The following DLGAP2 variants were observed in gnomAD, a reference collection of about 807,000 sequenced individuals.
The protein encoded by DLGAP2 is disks large-associated protein 2.
Under a neutral mutation model 100.3 loss-of-function variants are expected in DLGAP2, and 26 were observed. The ratio of observed to expected loss-of-function variants is 0.26; its 90% CI spans 0.19 to 0.36. DLGAP2 has a LOEUF of 0.36. DLGAP2 is among the 10% of genes least tolerant of loss of function. The pLI, the probability that DLGAP2 is intolerant of heterozygous loss-of-function variation, is 1.00. For missense variants in DLGAP2, 1,858 were observed against 1,453.2 expected (o/e 1.28, Z -4.53); for synonymous variants, 886 against 630.1 (o/e 1.41, Z -6.08).
At chr8:1,683,954 GTATATATATATATATATATATA>G (rs59220880) in intron 12 of DLGAP2, among the ~76,000 whole-genome samples, 15 of 74,734 alleles carry the variant, frequency 2.0e-4, no homozygotes, top group Non-Finnish European at 2.8e-4. Flanking sequence ...ATATATGTGT[GTATATATATATATATATATATA>G]TATATATATA....
chr8:1,667,214 A>G (rs574777665), intron 8 of DLGAP2, among the ~76,000 whole-genome samples: 58 of 152,338 alleles, frequency 3.8e-4, no homozygotes, highest in African/African-American at 1.3e-3. Flanking sequence ...GGAGAGTGTT[A>G]GGGAGTTCAT....
At chr8:1,101,393 G>A (rs188446276) in intron 2 of DLGAP2, among the ~76,000 whole-genome samples, 144 of 152,324 alleles carry the variant, frequency 9.5e-4, no homozygotes, top group Middle Eastern at 3.4e-3. Context: ...CTACAAAGTG[G>A]ATGAACCTTG....
intron 1 of DLGAP2, among the ~76,000 whole-genome samples, chr8:749,246 C>A (rs1415663569): frequency 6.6e-6 from 1 of 152,240 alleles, no homozygotes. Flanking sequence ...CTGCCTCGGC[C>A]TCCCAAAGTG....
At chr8:1,572,995 C>T (rs1224426138) in intron 6 of DLGAP2, among the ~76,000 whole-genome samples, 1 of 86,626 alleles carries the variant, frequency 1.2e-5, no homozygotes, top group African/African-American at 4.8e-5. Context: ...ACTGGAGGGG[C>T]GTCTTCTGGG....
rs976497060 is a variant in DLGAP2 at position 1,696,976 on chromosome 8, A to G, written c.2797-171A>G. On this transcript the variant is annotated intron_variant, in intron 13 of 14. Coordinates refer to ENST00000637795, the MANE Select transcript of DLGAP2 (RefSeq NM_001346810.2). ...AGGCCGACAGCAAATACGTGTGCTAAAGTAAACTGTCATGGAAGCATGGCC... is the reference window on the plus strand; with the variant it reads ...AGGCCGACAGCAAATACGTGTGCTAGAGTAAACTGTCATGGAAGCATGGCC... Among the ~76,000 whole-genome samples the G allele has an allele frequency of 5.9e-5, 9 of 152,248 alleles. 1 individual carries two copies. Among genetic ancestry groups the G allele is most frequent in the African/African-American group, 2.2e-4 (9 of 41,460 alleles).
intron 3 of DLGAP2, among the ~76,000 whole-genome samples, chr8:1,339,894 A>C (rs1184831154): frequency 1.3e-5 from 2 of 152,226 alleles, no homozygotes; most frequent in African/African-American, 4.8e-5. Flanking sequence ...CCTGTGATTC[A>C]AAGACAAAAT....
At chr8:1,357,499 T>A (rs1428522369) in intron 3 of DLGAP2, among the ~76,000 whole-genome samples, 1 of 151,604 alleles carries the variant, frequency 6.6e-6, no homozygotes, top group African/African-American at 2.4e-5. Context: ...TGCTGGTGAG[T>A]GAGAATATTA....
At chr8:871,940 G>A (rs563145958) in intron 1 of DLGAP2, among the ~76,000 whole-genome samples, 1 of 152,156 alleles carries the variant, frequency 6.6e-6, no homozygotes, top group Non-Finnish European at 1.5e-5. Context: ...TGTTATTTGG[G>A]CTGTTCTTGT....
chr8:1,494,498 A>C (rs914747699), intron 3 of DLGAP2, among the ~76,000 whole-genome samples: 34 of 152,200 alleles, frequency 2.2e-4, no homozygotes, highest in Admixed American at 7.2e-4. Flanking sequence ...TGGGAGGCCA[A>C]GGTGGGTGGA....
rs572282890 is a variant in DLGAP2 at position 1,323,028 on chromosome 8, C to T, written c.106+64145C>T. ...TAGTAGATGTTGACACTGTTAAACT[C>T]ACAATTTTTTTTTTTTTTTTGAGAC... On this transcript the variant is annotated intron_variant, in intron 3 of 14. Coordinates refer to ENST00000637795, the MANE Select transcript of DLGAP2 (RefSeq NM_001346810.2). Among the ~76,000 whole-genome samples, 5 of 151,182 alleles carry T rather than the reference C, an allele frequency of 3.3e-5. No homozygotes were observed. In the South Asian group the frequency reaches 1.0e-3, roughly 32 times the overall value.
intron 2 of DLGAP2, among the ~76,000 whole-genome samples, chr8:1,233,393 TC>T (rs1798577572): frequency 1.3e-5 from 2 of 152,208 alleles, no homozygotes; most frequent in South Asian, 4.1e-4. Flanking sequence ...AGCTGTAACC[TC>T]CTGGGAGCAA....
At chr8:1,517,477 C>T (rs1800434494) in intron 4 of DLGAP2, among the ~76,000 whole-genome samples, 4 of 152,164 alleles carry the variant, frequency 2.6e-5, no homozygotes, top group South Asian at 4.1e-4. Flanking sequence ...GAGAGCCTCC[C>T]ACCCTGGCCT....
chr8:1,644,698 A>C (rs769094326), intron 8 of DLGAP2, among the ~76,000 whole-genome samples: 1 of 152,244 alleles, frequency 6.6e-6, no homozygotes, highest in African/African-American at 2.4e-5. Flanking sequence ...TAAAGACATA[A>C]AAACATTAGA....
chr8:1,313,665 ACCT>A (rs565291956), intron 3 of DLGAP2, among the ~76,000 whole-genome samples: 77 of 152,288 alleles, frequency 5.1e-4, no homozygotes, highest in Non-Finnish European at 8.7e-4. Flanking sequence ...GTCCCGGGAT[ACCT>A]CAAGTCCCAC....
chr8:1,599,108 C>T (rs959328980), intron 6 of DLGAP2, among the ~76,000 whole-genome samples: 3 of 152,100 alleles, frequency 2.0e-5, no homozygotes, highest in Non-Finnish European at 4.4e-5. Context: ...TTATTTTTCC[C>T]TTAATTTCGT....
chr8:921,389 G>A (rs1434297753), intron 2 of DLGAP2, among the ~76,000 whole-genome samples: 1 of 152,170 alleles, frequency 6.6e-6, no homozygotes, highest in African/African-American at 2.4e-5. Context: ...GCAGTGTTGA[G>A]TGGGGATGTG....
intron 4 of DLGAP2, among the ~76,000 whole-genome samples, chr8:1,507,598 C>G (rs528630743): frequency 2.6e-5 from 4 of 152,198 alleles, no homozygotes; most frequent in Admixed American, 2.6e-4. Context: ...CAAGTGCGGC[C>G]GGAGTGGGCG....
intron 3 of DLGAP2, among the ~76,000 whole-genome samples, chr8:1,277,654 C>G (rs1481208890): frequency 6.6e-6 from 1 of 152,096 alleles, no homozygotes; most frequent in Non-Finnish European, 1.5e-5. Context: ...TCTGAGTATC[C>G]AAGTGTTATC....
At chr8:807,587 TCTC>T (rs774192924) in intron 1 of DLGAP2, among the ~76,000 whole-genome samples, 12 of 119,958 alleles carry the variant, frequency 1.0e-4, no homozygotes, top group Admixed American at 4.0e-4. Context: ...ATATGTTCTC[TCTC>T]CTCTTTTTCT....
Sources: allele counts gnomAD v4.1 joint callset (sites outside exome capture counted in the v4.1 genomes callset), GRCh38; gene constraint gnomAD v4.1.1; transcripts MANE v1.5; gene names NCBI Gene and HGNC (gene_info 2026-07-23, HGNC 2026-07-21).